The following SETBP1 variants were observed in gnomAD, a reference collection of about 807,000 sequenced individuals.
SETBP1 encodes SET binding protein 1.
A neutral mutation model predicts 101.0 loss-of-function variants in SETBP1; 9 were observed. The ratio of observed to expected loss-of-function variants is 0.09; its 90% CI spans 0.05 to 0.16. The LOEUF (loss-of-function observed/expected upper bound fraction) is 0.16. Ranked by LOEUF, SETBP1 falls within the 10% of genes least tolerant of loss-of-function variation. The probability of loss-of-function intolerance (pLI) is 1.00; values close to 1 mark genes in which losing one functional copy is unlikely to be tolerated. For synonymous variants in SETBP1, 818 were observed against 788.5 expected, an observed-to-expected ratio of 1.04 and a Z score of -0.63; for missense variants, 1,858 against 2,033.8, an observed-to-expected ratio of 0.91 and a Z score of 1.66.
intron 2 of SETBP1, among the ~76,000 whole-genome samples, chr18:44,805,416 G>T (rs907333145): frequency 3.3e-5 from 5 of 150,876 alleles, no homozygotes; most frequent in South Asian, 2.1e-4. Context: ...GTGTGTGTGT[G>T]TGTGTGTGTG....
chr18:44,817,749 G>C (rs751503579), intron 2 of SETBP1, among the ~76,000 whole-genome samples: 2 of 151,824 alleles, frequency 1.3e-5, no homozygotes, highest in Non-Finnish European at 2.9e-5. Context: ...GGGAAAATGC[G>C]GGGACTACGA....
At position 44,909,611 on chromosome 18, in the gene SETBP1, C is replaced by A. The variant is rs116151085; in HGVS notation, c.541-40270C>A. On this transcript the variant is annotated intron_variant, in intron 3 of 5. Transcript: ENST00000649279. ...CTCCTGTCCCAACTATTTATAGTAA[C>A]CGATGCTACTGTCACAGTTATCTTA... Among the ~76,000 whole-genome samples, 753 of 152,294 alleles carry A rather than the reference C, an allele frequency of 4.9e-3. 9 individuals are homozygous for A. The highest frequency in any genetic ancestry group is 0.017 in the African/African-American group (725 of 41,552).
intron 4 of SETBP1, among the ~76,000 whole-genome samples, chr18:44,955,756 GC>G (rs1170978224): frequency 6.6e-6 from 1 of 152,084 alleles, no homozygotes; most frequent in Non-Finnish European, 1.5e-5. Context: ...AGCTCTTGGT[GC>G]CCAGTCCAGT....
intron 4 of SETBP1, among the ~76,000 whole-genome samples, chr18:44,992,359 CT>C (rs1398998108): frequency 1.3e-5 from 2 of 151,680 alleles, no homozygotes; most frequent in East Asian, 3.9e-4. Flanking sequence ...GCTTCTCAGC[CT>C]TTTGGCTAAG....
intron 2 of SETBP1, among the ~76,000 whole-genome samples, chr18:44,762,637 G>GA (rs1466838100): frequency 2.0e-5 from 3 of 152,208 alleles, no homozygotes; most frequent in African/African-American, 7.2e-5. Flanking sequence ...TTCCCATTGA[G>GA]GCTGGGAATG....
At chr18:44,764,458 T>C (rs888751572) in intron 2 of SETBP1, among the ~76,000 whole-genome samples, 1 of 152,110 alleles carries the variant, frequency 6.6e-6, no homozygotes, top group Non-Finnish European at 1.5e-5. Context: ...TTTCTTCTTC[T>C]TTCTTCGTTC....
At chr18:44,686,192 C>T (rs576863723) in intron 1 of SETBP1, among the ~76,000 whole-genome samples, 1 of 152,240 alleles carries the variant, frequency 6.6e-6, no homozygotes. Context: ...CTCATTTGTT[C>T]CCTGACTCTT....
chr18:45,026,935 C>T (rs1321260326), intron 4 of SETBP1, among the ~76,000 whole-genome samples: 1 of 152,164 alleles, frequency 6.6e-6, no homozygotes, highest in Non-Finnish European at 1.5e-5. Flanking sequence ...GTGCTTCTCC[C>T]TCCCCCACCA....
intron 2 of SETBP1, among the ~76,000 whole-genome samples, chr18:44,739,295 A>C (rs2070046843): frequency 6.6e-6 from 1 of 152,160 alleles, no homozygotes. Context: ...GACACAGGAC[A>C]TCTTTGTGGG....
intron 2 of SETBP1, among the ~76,000 whole-genome samples, chr18:44,787,695 A>G (rs2071268379): frequency 6.9e-6 from 1 of 145,924 alleles, no homozygotes; most frequent in Non-Finnish European, 1.5e-5. Context: ...TCTACTAAAA[A>G]TACAAAAAAT....
At chr18:44,867,238 G>A (rs1334604433) in intron 2 of SETBP1, among the ~76,000 whole-genome samples, 4 of 152,190 alleles carry the variant, frequency 2.6e-5, no homozygotes, top group Non-Finnish European at 2.9e-5. Context: ...GATCCTCACC[G>A]TATCCTAATT....
intron 2 of SETBP1, among the ~76,000 whole-genome samples, chr18:44,758,931 C>T (rs890953369): frequency 6.6e-5 from 10 of 152,208 alleles, no homozygotes; most frequent in African/African-American, 1.2e-4. Context: ...GTCCCTGGGA[C>T]GTCTGCAGGG....
chr18:44,787,743 A>T (rs2071269969), intron 2 of SETBP1, among the ~76,000 whole-genome samples: 1 of 145,504 alleles, frequency 6.9e-6, no homozygotes, highest in African/African-American at 2.5e-5. Flanking sequence ...AGTCCCAGCT[A>T]CTGGGGAGGC....
At chr18:44,795,998 C>T (rs1277302819) in intron 2 of SETBP1, among the ~76,000 whole-genome samples, 2 of 152,206 alleles carry the variant, frequency 1.3e-5, no homozygotes, top group Admixed American at 1.3e-4. Flanking sequence ...TGTTAATAAA[C>T]ATAACCAGCT....
chr18:44,952,685 A>G lies in SETBP1; in HGVS notation c.3345A>G (p.Val1115=). 6.2e-7 allele frequency: 1 copy of G among 1,614,132 alleles called. No homozygotes were observed. Among genetic ancestry groups the G allele is most frequent in the Non-Finnish European group, 8.5e-7 (1 of 1,180,020 alleles). The change falls in exon 4 of 6, where the codon GTA becomes GTG. Residue 1115 remains valine (V), a synonymous_variant. Transcript: ENST00000649279. ...GAAKHKAKHG[V]HLQGPVSMGL... Reference sequence around the variant, plus strand: ...CTAAGCATAAAGCCAAGCATGGAGTACACCTGCAGGGACCTGTTAGCATGG... The same window carrying G: ...CTAAGCATAAAGCCAAGCATGGAGTGCACCTGCAGGGACCTGTTAGCATGG...
intron 5 of SETBP1, among the ~76,000 whole-genome samples, chr18:45,044,075 C>T (rs891469822): frequency 2.6e-5 from 4 of 152,084 alleles, no homozygotes; most frequent in Non-Finnish European, 4.4e-5. Flanking sequence ...TGACCTGGAG[C>T]CCCTAACCAA....
At chr18:44,861,443 A>G (rs952942434) in intron 2 of SETBP1, among the ~76,000 whole-genome samples, 2 of 151,688 alleles carry the variant, frequency 1.3e-5, no homozygotes, top group African/African-American at 4.8e-5. Context: ...GGTGTTAGCC[A>G]GGATGGTCTC....
At chr18:44,899,892 T>C (rs2070000793) in intron 3 of SETBP1, among the ~76,000 whole-genome samples, 1 of 152,170 alleles carries the variant, frequency 6.6e-6, no homozygotes, top group Non-Finnish European at 1.5e-5. Context: ...AGACTAGAGC[T>C]GAAATTGGCC....
intron 3 of SETBP1, among the ~76,000 whole-genome samples, chr18:44,918,593 G>T (rs1021987482): frequency 1.3e-5 from 2 of 152,156 alleles, no homozygotes; most frequent in African/African-American, 2.4e-5. Flanking sequence ...AAATGCTGAG[G>T]ACAGGAACCC....
Sources: gnomAD v4.1 joint callset for allele counts (sites outside exome capture counted in the v4.1 genomes callset) on GRCh38, gnomAD v4.1.1 for gene constraint, MANE v1.5 for transcripts, NCBI Gene and HGNC (gene_info 2026-07-23, HGNC 2026-07-21) for gene names.